Variants in HCRTR2 observed in about 807,000 individuals in gnomAD.
HCRTR2 encodes the protein orexin receptor type 2.
HCRTR2 carries 22 observed loss-of-function variants against 49.0 expected under a neutral mutation model. The ratio of observed to expected loss-of-function variants is 0.45; its 90% CI spans 0.32 to 0.64. HCRTR2 has a LOEUF of 0.64. Among genes scored for constraint, HCRTR2 ranks in the 30% least tolerant of loss-of-function variants. The pLI, the probability that HCRTR2 is intolerant of heterozygous loss-of-function variation, is 0.04. For missense variants in HCRTR2, 491 were observed against 559.4 expected (o/e 0.88, Z 1.23); for synonymous variants, 236 against 205.3 (o/e 1.15, Z -1.28).
chr6:55,153,249 G>T (rs1181465094), intron 1 of HCRTR2, among the ~76,000 whole-genome samples: 3 of 151,924 alleles, frequency 2.0e-5, no homozygotes, highest in Non-Finnish European at 4.4e-5. Context: ...GCAGGGAAGG[G>T]ATACATTCTG....
intron 1 of HCRTR2, among the ~76,000 whole-genome samples, chr6:55,214,273 A>T (rs946118008): frequency 1.3e-5 from 2 of 152,184 alleles, no homozygotes; most frequent in Non-Finnish European, 2.9e-5. Flanking sequence ...TTTTTGGTGA[A>T]GGCCTTTCTC....
intron 1 of HCRTR2, among the ~76,000 whole-genome samples, chr6:55,121,704 G>A (rs6905049): frequency 0.037 from 5,643 of 151,942 alleles, 343 homozygotes; most frequent in African/African-American, 0.13. Flanking sequence ...CCTTTTCTGC[G>A]TCTATTGAGA....
rs116222622 is a variant in HCRTR2, at chr6:55,113,604, A to G, written c.-378+7059A>G. ...GATACCACCCTACTCCTGCAAGAGT[A>G]ATTTTATCCATTTTAACCATAATTA... is the stretch of plus-strand genomic sequence containing the variant. On this transcript the variant is annotated intron_variant, in intron 1 of 7. Coordinates refer to the HCRTR2 transcript ENST00000615358. Among the ~76,000 whole-genome samples, 1,373 of 151,430 alleles carry G rather than the reference A, an allele frequency of 9.1e-3. 19 individuals carry two copies. The highest frequency in any genetic ancestry group is 0.031 in the African/African-American group (1,290 of 41,454).
chr6:55,240,784 C>A, intron 1 of HCRTR2: 1 of 425,390 alleles, frequency 2.4e-6, no homozygotes, highest in Non-Finnish European at 4.8e-6. Flanking sequence ...TGACTGCATT[C>A]CATGACCTGT....
At chr6:55,223,863 ATTATTTATATGCAGGGAAG>A (rs1261447276) in intron 1 of HCRTR2, among the ~76,000 whole-genome samples, 67 of 152,334 alleles carry the variant, frequency 4.4e-4, no homozygotes, top group African/African-American at 1.5e-3. Context: ...TATGGAGGAA[ATTATTTATATGCAGGGAAG>A]TTATTTATAT....
At chr6:55,129,159 C>T (rs771487398) in intron 1 of HCRTR2, among the ~76,000 whole-genome samples, 7 of 152,148 alleles carry the variant, frequency 4.6e-5, no homozygotes, top group East Asian at 1.9e-4. Context: ...AACTCTCCTA[C>T]GTTTGATTAC....
intron 1 of HCRTR2, among the ~76,000 whole-genome samples, chr6:55,192,432 C>CACAT (rs1365434464): frequency 2.6e-5 from 4 of 151,464 alleles, no homozygotes; most frequent in African/African-American, 9.7e-5. Flanking sequence ...CACACACACA[C>CACAT]ACACACAAAT....
intron 1 of HCRTR2, among the ~76,000 whole-genome samples, chr6:55,227,483 T>A (rs1766031712): frequency 6.6e-6 from 1 of 152,234 alleles, no homozygotes; most frequent in Non-Finnish European, 1.5e-5. Context: ...TCTAATTTTA[T>A]GCAACATGGA....
intron 1 of HCRTR2, among the ~76,000 whole-genome samples, chr6:55,151,305 T>C (rs554347041): frequency 5.1e-4 from 77 of 152,162 alleles, no homozygotes; most frequent in African/African-American, 1.8e-3. Context: ...CTTTCAAAAT[T>C]GAAGTTAATC....
chr6:55,186,501 T>A (rs2127275705), intron 1 of HCRTR2, among the ~76,000 whole-genome samples: 1 of 152,360 alleles, frequency 6.6e-6, no homozygotes, highest in African/African-American at 2.4e-5. Context: ...TATGCAATTA[T>A]ATTGCTCTTC....
intron 1 of HCRTR2, among the ~76,000 whole-genome samples, chr6:55,150,751 G>A (rs546546898): frequency 6.6e-6 from 1 of 152,042 alleles, no homozygotes; most frequent in South Asian, 2.1e-4. Flanking sequence ...GGAAATGGAG[G>A]TTGCTTCCAT....
At chr6:55,135,912 C>T (rs1397560098) in intron 1 of HCRTR2, among the ~76,000 whole-genome samples, 2 of 152,102 alleles carry the variant, frequency 1.3e-5, no homozygotes, top group African/African-American at 4.8e-5. Flanking sequence ...GGAGTCAAAC[C>T]ATATCCCCAG....
intron 1 of HCRTR2, among the ~76,000 whole-genome samples, chr6:55,134,716 C>T (rs1253348104): frequency 1.3e-5 from 2 of 151,780 alleles, no homozygotes; most frequent in African/African-American, 4.8e-5. Flanking sequence ...CACATACAGG[C>T]GACATCATAC....
At chr6:55,179,873 C>T (rs1446974017) in intron 1 of HCRTR2, among the ~76,000 whole-genome samples, 2 of 152,274 alleles carry the variant, frequency 1.3e-5, no homozygotes, top group Admixed American at 6.5e-5. Context: ...CATATTCTCA[C>T]TCCGCTCCGA....
At chr6:55,171,173 A>G (rs1365302910), upstream of HCRTR2, among the ~76,000 whole-genome samples, 1 of 152,112 alleles carries the variant, frequency 6.6e-6, no homozygotes, top group Non-Finnish European at 1.5e-5. Context: ...TTCCACAATG[A>G]TTGAACTAGT....
At chr6:55,147,222 GA>G (rs1279090565) in intron 1 of HCRTR2, among the ~76,000 whole-genome samples, 1 of 151,852 alleles carries the variant, frequency 6.6e-6, no homozygotes, top group Non-Finnish European at 1.5e-5. Context: ...AATTATTTGT[GA>G]ATTCATATTT....
intron 1 of HCRTR2, among the ~76,000 whole-genome samples, chr6:55,233,801 A>G (rs4340990): frequency 1.4e-3 from 209 of 152,310 alleles, no homozygotes; most frequent in African/African-American, 4.8e-3. Context: ...TTGAAACTAT[A>G]TTCAAAAATA....
At chr6:55,150,513 C>A (rs192787042) in intron 1 of HCRTR2, among the ~76,000 whole-genome samples, 146 of 152,028 alleles carry the variant, frequency 9.6e-4, no homozygotes, top group African/African-American at 3.2e-3. Context: ...CTCCCCCGGC[C>A]CTGGATACTT....
intron 1 of HCRTR2, among the ~76,000 whole-genome samples, chr6:55,110,795 A>G (rs1252692193): frequency 1.3e-5 from 2 of 152,072 alleles, no homozygotes; most frequent in Non-Finnish European, 2.9e-5. Flanking sequence ...TCAATACTCA[A>G]CTGAAAGAAC....
Sources: allele counts gnomAD v4.1 joint callset (sites outside exome capture counted in the v4.1 genomes callset), GRCh38; gene constraint gnomAD v4.1.1; transcripts MANE v1.5; gene names NCBI Gene and HGNC (gene_info 2026-07-23, HGNC 2026-07-21).